The following FAM186B variants were observed in gnomAD, a reference collection of about 807,000 sequenced individuals.
FAM186B encodes family with sequence similarity 186 member B, also known as protein FAM186B.
FAM186B carries 68 observed loss-of-function variants against 83.4 expected under a neutral mutation model. The ratio of observed to expected loss-of-function variants is 0.81; its 90% CI spans 0.67 to 1.00. The LOEUF (loss-of-function observed/expected upper bound fraction) is 1.00, where lower values mean the gene tolerates loss of function less well. FAM186B is among the 50% of genes least tolerant of loss of function. The pLI is 0.00. For missense variants in FAM186B, 983 were observed against 1,099.2 expected (o/e 0.89, Z 1.49); for synonymous variants, 389 against 422.0 (o/e 0.92, Z 0.96).
At chr12:49,608,787 G>C (rs1006032738), upstream of FAM186B, among the ~76,000 whole-genome samples, 8 of 151,552 alleles carry the variant, frequency 5.3e-5, no homozygotes, top group African/African-American at 1.9e-4. Flanking sequence ...GGGCACTTTG[G>C]GAAAGTGCCC....
upstream of FAM186B, among the ~76,000 whole-genome samples, chr12:49,609,589 T>C (rs1325147107): frequency 1.3e-5 from 2 of 152,110 alleles, no homozygotes; most frequent in African/African-American, 4.8e-5. Flanking sequence ...ACCCTCCCTG[T>C]GTAGAGATTG....
At chr12:49,608,178 G>A (rs1940053467), upstream of FAM186B, among the ~76,000 whole-genome samples, 1 of 149,936 alleles carries the variant, frequency 6.7e-6, no homozygotes. Flanking sequence ...AACTTAGCAA[G>A]ACTTCATACC....
the FAM186B span, among the ~76,000 whole-genome samples, chr12:49,611,858 AAAAATAAAAT>A: frequency 2.0e-5 from 3 of 148,166 alleles, no homozygotes; most frequent in Non-Finnish European, 4.5e-5. Context: ...ACTCCATCTG[AAAAATAAAAT>A]AAAATAAAAT....
rs1263392696 is a variant in FAM186B, at chr12:49,604,312, C to A, written c.322+1G>T. ...GCACGGTGCCCAGCCTGCAAACTCACCCCAGTCACCCAGCCAGCGGAGAAT... is the reference window on the plus strand; with the variant it reads ...GCACGGTGCCCAGCCTGCAAACTCAACCCAGTCACCCAGCCAGCGGAGAAT... On this transcript the variant is annotated splice_donor_variant, in intron 2 of 6. Coordinates refer to ENST00000257894, the MANE Select transcript of FAM186B (RefSeq NM_032130.3). LOFTEE classifies it high-confidence loss of function. The A allele has an allele frequency of 1.2e-6, 2 of 1,612,338 alleles. No individual in the cohort carries two copies. The highest frequency in any genetic ancestry group is 1.3e-5 in the African/African-American group (1 of 74,922).
intron 5 of FAM186B, among the ~76,000 whole-genome samples, chr12:49,598,302 C>G (rs1225767821): frequency 6.6e-6 from 1 of 152,098 alleles, no homozygotes; most frequent in African/African-American, 2.4e-5. Flanking sequence ...AGCCAAGGAG[C>G]TGATTCAGGG....
chr12:49,595,553 G>A (rs57916875), intron 5 of FAM186B: 38,774 of 444,094 alleles, frequency 0.087, 1,983 homozygotes, highest in African/African-American at 0.18. Context: ...TCTGAGAATC[G>A]TGTGGAAAAG....
At position 49,600,413 on chromosome 12, in the gene FAM186B, G is replaced by A. The variant is rs1299576311; in HGVS notation, c.1227C>T (p.Asp409=). The change falls in exon 4 of 7, where the codon GAC becomes GAT. Residue 409 remains aspartate, a synonymous_variant. Coordinates refer to ENST00000257894, the MANE Select transcript of FAM186B (RefSeq NM_032130.3). The surrounding 1 kb of genome is among the most constrained non-coding windows in gnomAD (Gnocchi z 4.3). Reference sequence around the variant, plus strand: ...AAAGCACAGGCTCAAGGCTCTCAGTGTCCTTGCTGCCGAACACATCTGCGA... The same window carrying A: ...AAAGCACAGGCTCAAGGCTCTCAGTATCCTTGCTGCCGAACACATCTGCGA... ...SRVADVFGSK[D]TESLEPVLLP... is the part of the protein sequence containing the mutation. 3.7e-6 allele frequency: 6 copies of A among 1,613,932 alleles called. No homozygotes were observed. Among genetic ancestry groups the A allele is most frequent in the Non-Finnish European group, 3.4e-6 (4 of 1,179,894 alleles).
At chr12:49,584,761 CGT>C (rs940487630), downstream of FAM186B, 1 of 613,078 alleles carries the variant, frequency 1.6e-6, no homozygotes, top group Non-Finnish European at 2.9e-6. Flanking sequence ...CTCAACACAA[CGT>C]CCTCCCAAGT....
At chr12:49,616,821 G>T in the FAM186B span, among the ~76,000 whole-genome samples, 1 of 152,142 alleles carries the variant, frequency 6.6e-6, no homozygotes, top group Non-Finnish European at 1.5e-5. Flanking sequence ...TCATTGTATT[G>T]TACACTTAAA....
the FAM186B span, among the ~76,000 whole-genome samples, chr12:49,615,048 A>G: frequency 6.6e-6 from 1 of 152,084 alleles, no homozygotes; most frequent in Non-Finnish European, 1.5e-5. Context: ...GAATGGCGTG[A>G]ACCCAGGGAG....
At chr12:49,621,310 G>C in the FAM186B span, among the ~76,000 whole-genome samples, 1 of 152,220 alleles carries the variant, frequency 6.6e-6, no homozygotes, top group Non-Finnish European at 1.5e-5. Context: ...TTGAACCCGG[G>C]TGGTAGAGGT....
At chr12:49,610,013 A>C (rs1371483568), upstream of FAM186B, among the ~76,000 whole-genome samples, 1 of 152,208 alleles carries the variant, frequency 6.6e-6, no homozygotes, top group Non-Finnish European at 1.5e-5. Context: ...TGGCCTGTAC[A>C]TCAAACCACA....
intron 4 of FAM186B, among the ~76,000 whole-genome samples, chr12:49,599,267 G>T (rs888982914): frequency 6.6e-6 from 1 of 152,184 alleles, no homozygotes; most frequent in African/African-American, 2.4e-5. Flanking sequence ...AGTGCTCAGT[G>T]CCCTTCTTCT....
At chr12:49,613,240 GA>G in the FAM186B span, among the ~76,000 whole-genome samples, 4 of 152,080 alleles carry the variant, frequency 2.6e-5, no homozygotes, top group Non-Finnish European at 5.9e-5. Context: ...CAAAAAGTTA[GA>G]TCTCGGCCTG....
chr12:49,587,613 C>A lies in FAM186B; in HGVS notation c.2674G>T (p.Asp892Tyr). The A allele has an allele frequency of 3.7e-6, 6 of 1,613,504 alleles. No homozygotes were observed. Among genetic ancestry groups the A allele is most frequent in the Non-Finnish European group, 5.1e-6 (6 of 1,180,004 alleles). Residue 892 changes from aspartate to tyrosine, a missense_variant, in exon 7 of 7, where the codon GAC becomes TAC. By Grantham distance (160) the Asp-to-Tyr change is radical (BLOSUM62 -3). Transcript: ENST00000257894. ...HPDIPRLLTL[D>Y]V Reference sequence around the variant, plus strand: ...CTTTTGTGGCAGGAGGACTACACGTCCAGTGTCAACAGCCGGGGAATATCT... The same window carrying A: ...CTTTTGTGGCAGGAGGACTACACGTACAGTGTCAACAGCCGGGGAATATCT...
upstream of FAM186B, among the ~76,000 whole-genome samples, chr12:49,606,951 A>G (rs1422095899): frequency 1.3e-5 from 2 of 152,382 alleles, no homozygotes; most frequent in African/African-American, 4.8e-5. Context: ...GTATTAAACT[A>G]TAAATCAATA....
rs769831539 is a variant in FAM186B at position 49,587,596 on chromosome 12, G to A, written c.*9C>T. On this transcript the variant is annotated 3_prime_UTR_variant, in exon 7 of 7. Coordinates refer to ENST00000257894, the MANE Select transcript of FAM186B (RefSeq NM_032130.3). ...CCTTCAGGAAGTTCAGGCTTTTGTG[G>A]CAGGAGGACTACACGTCCAGTGTCA... The A allele has an allele frequency of 4.3e-6, 7 of 1,613,936 alleles. No homozygotes were observed. In the African/African-American group the frequency reaches 9.3e-5, roughly 22 times the overall value.
chr12:49,587,407 G>T (rs751885753), downstream of FAM186B: 1 of 656,140 alleles, frequency 1.5e-6, no homozygotes, highest in South Asian at 1.9e-5. Context: ...CACCAGAACC[G>T]AAGTGCTGTT....
downstream of FAM186B, chr12:49,587,388 G>A (rs1461290456): frequency 1.7e-6 from 1 of 604,202 alleles, no homozygotes; most frequent in Admixed American, 2.9e-5. Context: ...AGACACTAAG[G>A]AAACCCTTCA....
Sources: allele counts gnomAD v4.1 joint callset (sites outside exome capture counted in the v4.1 genomes callset), GRCh38; gene constraint gnomAD v4.1.1; non-coding constraint Gnocchi (gnomAD v3.1); transcripts MANE v1.5; gene names NCBI Gene and HGNC (gene_info 2026-07-23, HGNC 2026-07-21).